The following YPEL2 variants were observed in gnomAD, a reference collection of about 807,000 sequenced individuals.
YPEL2 encodes protein yippee-like 2.
Under a neutral mutation model 19.1 loss-of-function variants are expected in YPEL2, and 2 were observed. The observed-to-expected ratio is 0.10, with a 90% CI of 0.04 to 0.33. The LOEUF is 0.33. Ranked by LOEUF, YPEL2 falls within the 10% of genes least tolerant of loss-of-function variation. The pLI, the probability that YPEL2 is intolerant of heterozygous loss-of-function variation, is 1.00. For synonymous variants in YPEL2, 52 were observed against 50.0 expected (o/e 1.04, Z -0.17); for missense variants, 66 against 140.7 (o/e 0.47, Z 2.68).
chr17:59,378,345 TCC>T (rs1297260004), intron 2 of YPEL2, among the ~76,000 whole-genome samples: 4 of 94,596 alleles, frequency 4.2e-5, no homozygotes, highest in African/African-American at 2.0e-4. Flanking sequence ...CAGAGTCTCC[TCC>T]TTTTTTTTTT....
chr17:59,348,598 T>A (rs2047769341), intron 1 of YPEL2, among the ~76,000 whole-genome samples: 1 of 152,252 alleles, frequency 6.6e-6, no homozygotes, highest in African/African-American at 2.4e-5. Context: ...CATATTTTCT[T>A]TCTGTGCTGC....
chr17:59,395,446 G>C (rs1033870452), intron 4 of YPEL2, among the ~76,000 whole-genome samples: 4 of 152,220 alleles, frequency 2.6e-5, no homozygotes, highest in African/African-American at 7.2e-5. Flanking sequence ...CTGAGACACA[G>C]ATGACCAGTG....
At chr17:59,343,887 G>A (rs568837975) in intron 1 of YPEL2, among the ~76,000 whole-genome samples, 52 of 152,286 alleles carry the variant, frequency 3.4e-4, no homozygotes, top group South Asian at 6.2e-4. Context: ...GGAAGCTGTC[G>A]CAGTAGTCCA....
intron 4 of YPEL2, among the ~76,000 whole-genome samples, chr17:59,396,506 G>A (rs996768458): frequency 9.9e-5 from 15 of 152,244 alleles, no homozygotes; most frequent in Non-Finnish European, 7.3e-5. Context: ...GGTAGCTGGG[G>A]AAGACCTTAC....
intron 4 of YPEL2, 138 bp downstream of exon 4, chr17:59,389,606 T>G (rs941366628): frequency 2.6e-5 from 17 of 657,950 alleles, no homozygotes; most frequent in Non-Finnish European, 3.8e-5. Flanking sequence ...TCTACCACAC[T>G]CATTCTTTCC....
At chr17:59,352,358 A>G (rs757896738) in intron 1 of YPEL2, among the ~76,000 whole-genome samples, 2 of 152,052 alleles carry the variant, frequency 1.3e-5, no homozygotes, top group Non-Finnish European at 2.9e-5. Flanking sequence ...CTGCTCACTT[A>G]GTTACCTTGG....
intron 2 of YPEL2, among the ~76,000 whole-genome samples, chr17:59,385,310 C>G (rs2047974491): frequency 6.6e-6 from 1 of 152,246 alleles, no homozygotes; most frequent in African/African-American, 2.4e-5. Context: ...TGACTCACAT[C>G]TGTAATCCCA....
chr17:59,363,531 C>G lies in YPEL2; in HGVS notation c.117+10005C>G, dbSNP rs566417094. 2.0e-5 allele frequency among the ~76,000 whole-genome samples: 3 copies of G among 152,192 alleles called. No individual in the cohort carries two copies. The East Asian group carries it at 5.8e-4, about 29-fold the overall frequency. On this transcript the variant is annotated intron_variant, in intron 2 of 4. Transcript: ENST00000312655. Reference sequence around the variant, plus strand: ...CCATGTTGGCCAGGCTGCTCTCGAACTCCTGACCTGACCTCAAGTGATCCA... The same window carrying G: ...CCATGTTGGCCAGGCTGCTCTCGAAGTCCTGACCTGACCTCAAGTGATCCA...
rs545830058 is a variant in YPEL2, at chr17:59,364,582, A to G, written c.117+11056A>G. 9.5e-5 allele frequency among the ~76,000 whole-genome samples: 14 copies of G among 147,686 alleles called. No homozygotes were observed. In the South Asian group the frequency reaches 3.1e-3, roughly 33 times the overall value. ...CAACCACCTGGCTTATTCATTTAGT[A>G]GCTGTGTACATTAAGTAATCCCTCT... On this transcript the variant is annotated intron_variant, in intron 2 of 4. Transcript: ENST00000312655.
At chr17:59,347,931 CT>C (rs894332988) in intron 1 of YPEL2, among the ~76,000 whole-genome samples, 3 of 151,320 alleles carry the variant, frequency 2.0e-5, no homozygotes, top group Non-Finnish European at 3.0e-5. Flanking sequence ...CTTTTTCTTT[CT>C]TTTTTTTTAA....
chr17:59,366,060 G>A (rs2047867157), intron 2 of YPEL2: 1 of 153,128 alleles, frequency 6.5e-6, no homozygotes, highest in Non-Finnish European at 1.5e-5. Context: ...TCTTGTTAGG[G>A]TTGGCTCCAC....
At chr17:59,361,242 C>G (rs781142147) in intron 2 of YPEL2, among the ~76,000 whole-genome samples, 1 of 152,196 alleles carries the variant, frequency 6.6e-6, no homozygotes, top group African/African-American at 2.4e-5. Context: ...TATACTTGCT[C>G]TTATCATCTT....
chr17:59,343,557 T>C (rs1438625376), intron 1 of YPEL2, among the ~76,000 whole-genome samples: 1 of 152,102 alleles, frequency 6.6e-6, no homozygotes, highest in African/African-American at 2.4e-5. Context: ...AGCAGGCATT[T>C]ACTCATCCCT....
At chr17:59,337,163 A>G (rs2047702823) in intron 1 of YPEL2, among the ~76,000 whole-genome samples, 1 of 151,874 alleles carries the variant, frequency 6.6e-6, no homozygotes. Flanking sequence ...GCCCCCTTTA[A>G]GAAGTTCATG....
chr17:59,353,406 A>C lies in YPEL2; in HGVS notation c.-4A>C, dbSNP rs753181214. ...CAGAGTTCACCCCACACTCAGCAGC[A>C]CCAATGGTGAAGATGACAAGATCGA... On this transcript the variant is annotated 5_prime_UTR_variant, in exon 2 of 5. Transcript: ENST00000312655. The surrounding 1 kb of genome is among the most constrained non-coding windows in gnomAD (Gnocchi z 4.8). The C allele has an allele frequency of 2.7e-5, 43 of 1,579,366 alleles. No homozygotes were observed. The highest frequency in any genetic ancestry group is 3.6e-5 in the Non-Finnish European group (42 of 1,161,220).
intron 2 of YPEL2, among the ~76,000 whole-genome samples, chr17:59,360,819 A>C (rs1022818478): frequency 8.5e-5 from 13 of 152,204 alleles, no homozygotes; most frequent in African/African-American, 2.6e-4. Context: ...AAGAGCCATG[A>C]ATTAGGCTGG....
At chr17:59,361,125 C>T (rs951992340) in intron 2 of YPEL2, among the ~76,000 whole-genome samples, 5 of 152,328 alleles carry the variant, frequency 3.3e-5, no homozygotes, top group East Asian at 1.9e-4. Flanking sequence ...AGCCACCGCA[C>T]GCAGCTTGGG....
chr17:59,332,182 C>G (rs1429763637), intron 1 of YPEL2, among the ~76,000 whole-genome samples: 1 of 151,988 alleles, frequency 6.6e-6, no homozygotes, highest in Non-Finnish European at 1.5e-5. Flanking sequence ...GCTTCCTCCT[C>G]CGCGTCGTCC....
At chr17:59,346,247 CTA>C (rs879708726) in intron 1 of YPEL2, among the ~76,000 whole-genome samples, 1 of 152,258 alleles carries the variant, frequency 6.6e-6, no homozygotes, top group Non-Finnish European at 1.5e-5. Context: ...TTGGGACAGG[CTA>C]TGGCTACTTA....
Sources: allele counts gnomAD v4.1 joint callset (sites outside exome capture counted in the v4.1 genomes callset), GRCh38; gene constraint gnomAD v4.1.1; non-coding constraint Gnocchi (gnomAD v3.1); transcripts MANE v1.5; gene names NCBI Gene and HGNC (gene_info 2026-07-23, HGNC 2026-07-21).